SAP130: variants seen among roughly 807,000 people sequenced by gnomAD.
SAP130 encodes histone deacetylase complex subunit SAP130.
In SAP130, 16 loss-of-function variants were observed where a neutral mutation model predicts 103.2. The ratio of observed to expected loss-of-function variants is 0.16; its 90% CI spans 0.10 to 0.24. The LOEUF is 0.24. Among genes scored for constraint, SAP130 ranks in the 10% least tolerant of loss-of-function variants. SAP130 has a pLI of 1.00. For missense variants in SAP130, 990 were observed against 1,359.7 expected (o/e 0.73, Z 4.28); for synonymous variants, 477 against 497.0 (o/e 0.96, Z 0.53).
chr2:128,027,512 G>GGCGGGGA (rs1313391942), intron 1 of SAP130, among the ~76,000 whole-genome samples: 1 of 152,100 alleles, frequency 6.6e-6, no homozygotes. Flanking sequence ...CGGCGAAGGG[G>GGCGGGGA]GCGGGGAGCG....
At chr2:128,014,224 G>C (rs573546156) in intron 5 of SAP130, among the ~76,000 whole-genome samples, 1 of 141,478 alleles carries the variant, frequency 7.1e-6, no homozygotes, top group Non-Finnish European at 1.6e-5. Flanking sequence ...ACTGTCTTGC[G>C]ATTTTTTTTC....
intron 11 of SAP130, among the ~76,000 whole-genome samples, chr2:127,995,152 T>C (rs1471447956): frequency 2.6e-5 from 4 of 152,182 alleles, no homozygotes; most frequent in African/African-American, 9.7e-5. Flanking sequence ...TCTTAAAATA[T>C]TATATACTTT....
At position 127,996,522 on chromosome 2, in the gene SAP130, AT is replaced by A; in HGVS notation, c.1214-32del. 1 of 1,433,472 alleles carries A rather than the reference AT, an allele frequency of 7.0e-7. No individual in the cohort carries two copies. Among genetic ancestry groups the A allele is most frequent in the East Asian group, 2.7e-5 (1 of 37,290 alleles). 88.8% of individuals were successfully genotyped at this position (1,433,472 alleles called of 1,614,324 possible). ...AACAGTAAATGCCAATTCCATGACC[AT>A]TCTACACTTTTTTTTGGCATGCCAA... On this transcript the variant is annotated intron_variant, in intron 10 of 20. Transcript: ENST00000643581. The surrounding 1 kb of genome is among the most constrained non-coding windows in gnomAD (Gnocchi z 4.3).
intron 19 of SAP130, among the ~76,000 whole-genome samples, chr2:127,943,558 C>T (rs1678854521): frequency 6.6e-6 from 1 of 152,198 alleles, no homozygotes; most frequent in South Asian, 2.1e-4. Flanking sequence ...CAAACATGTA[C>T]ACCATGTTAC....
chr2:128,009,848 T>C (rs563325094), intron 7 of SAP130, among the ~76,000 whole-genome samples: 11 of 152,318 alleles, frequency 7.2e-5, no homozygotes, highest in Admixed American at 4.6e-4. Context: ...TCCCACTGCC[T>C]AGAATACTCT....
rs143012214 is a variant in SAP130, at chr2:128,009,093, G to A, written c.869+1176C>T. On this transcript the variant is annotated intron_variant, in intron 7 of 20. Transcript: ENST00000643581. ...GGCCAACTAGCACTGGCAAATAATC[G>A]TGACTCCTCTCCTTCTTTCACACTC... Among the ~76,000 whole-genome samples, 31 of 152,072 alleles carry A rather than the reference G, an allele frequency of 2.0e-4. No homozygotes were observed. In the Middle Eastern group the frequency reaches 0.01, roughly 50 times the overall value.
rs1398463425 is a variant in SAP130, at chr2:128,027,618, G to GCCGGCCGC, written c.-7+314_-7+321dup. Among the ~76,000 whole-genome samples, 118 of 147,410 alleles carry GCCGGCCGC rather than the reference G, an allele frequency of 8.0e-4. No homozygotes were observed. In the South Asian group the frequency reaches 9.2e-3, roughly 11 times the overall value. Reference sequence around the variant, plus strand: ...CTGCTCCAGGAGCCAAACTCCCTGGGCCGGCCGCCCGCCCGCCCGCCCGCC... The same window carrying GCCGGCCGC: ...CTGCTCCAGGAGCCAAACTCCCTGGGCCGGCCGCCCGGCCGCCCGCCCGCCCGCCCGCC... On this transcript the variant is annotated intron_variant, in intron 1 of 20. Coordinates refer to ENST00000643581, the MANE Select transcript of SAP130 (RefSeq NM_001330301.2).
At chr2:127,951,490 G>A (rs888201978) in intron 16 of SAP130, among the ~76,000 whole-genome samples, 36 of 152,082 alleles carry the variant, frequency 2.4e-4, no homozygotes, top group African/African-American at 8.2e-4. Context: ...TCCTCCCCTC[G>A]GTACTCAGCC....
Position 127,953,972 on chromosome 2 carries a change from T to C in SAP130, c.2422+1014A>G, listed in dbSNP as rs1012158842. Among the ~76,000 whole-genome samples, 42 of 152,240 alleles carry C rather than the reference T, an allele frequency of 2.8e-4. No homozygotes were observed. Among genetic ancestry groups the C allele is most frequent in the African/African-American group, 9.9e-4 (41 of 41,472 alleles). ...ACCTAAGAGGATAAAGCTGCATTTG[T>C]CTTACACAAAGTTGCATCGTCAGTG... On this transcript the variant is annotated intron_variant, in intron 16 of 20. Transcript: ENST00000643581. This position sits in a 1 kb window ranked among gnomAD's most constrained non-coding sequence, Gnocchi z 4.0.
intron 7 of SAP130, among the ~76,000 whole-genome samples, chr2:128,002,934 G>A (rs776566452): frequency 2.0e-5 from 3 of 151,962 alleles, no homozygotes; most frequent in Admixed American, 6.6e-5. Flanking sequence ...CAAGACTGGC[G>A]TAGGCAACAT....
intron 18 of SAP130, among the ~76,000 whole-genome samples, chr2:127,947,098 AG>A (rs900281686): frequency 6.6e-6 from 1 of 151,642 alleles, no homozygotes; most frequent in African/African-American, 2.4e-5. Flanking sequence ...AGATGGAGGC[AG>A]GGACTGGAGT....
At chr2:128,025,615 A>T (rs567049261) in intron 2 of SAP130, among the ~76,000 whole-genome samples, 3 of 152,352 alleles carry the variant, frequency 2.0e-5, no homozygotes, top group African/African-American at 7.2e-5. Context: ...ACAACTATTT[A>T]CATACCATTT....
chr2:127,969,643 C>A (rs1335237295), intron 15 of SAP130, among the ~76,000 whole-genome samples: 1 of 152,248 alleles, frequency 6.6e-6, no homozygotes, highest in East Asian at 1.9e-4. Context: ...AGGGCTGGTT[C>A]TTTCTGCGGG....
rs558376689 is a variant in SAP130 at position 127,978,047 on chromosome 2, A to G, written c.2001T>C (p.Asp667=). 71 of 1,551,852 alleles carry G rather than the reference A, an allele frequency of 4.6e-5. No homozygotes were observed. The South Asian group carries it at 8.2e-4, about 18-fold the overall frequency. ...AGCTTTCCACTCGAGGACTAGCAAC[A>G]TCAGGAGGCTGAGGAGGAATGAGGG... ...RKTLIPPQPP[D]VASPRVESSM... The change falls in exon 15 of 21, where the codon GAT becomes GAC. Residue 667 remains aspartate (D), a synonymous_variant. Coordinates refer to ENST00000643581, the MANE Select transcript of SAP130 (RefSeq NM_001330301.2).
At chr2:127,946,955 G>A (rs1679124994) in intron 18 of SAP130, among the ~76,000 whole-genome samples, 1 of 147,700 alleles carries the variant, frequency 6.8e-6, no homozygotes, top group Non-Finnish European at 1.5e-5. Context: ...TAAATCCAAT[G>A]ACTGGTGTCC....
intron 12 of SAP130, among the ~76,000 whole-genome samples, chr2:127,992,285 CTTT>C (rs747417050): frequency 8.1e-6 from 1 of 123,540 alleles, no homozygotes; most frequent in Non-Finnish European, 1.7e-5. Context: ...GGCAATAAGG[CTTT>C]TTTTTTTTTT....
At chr2:127,979,074 T>G (rs888682884) in intron 14 of SAP130, among the ~76,000 whole-genome samples, 1 of 152,152 alleles carries the variant, frequency 6.6e-6, no homozygotes, top group African/African-American at 2.4e-5. Context: ...TACATTTAGA[T>G]GTAGAGTTTT....
In SAP130 at chr2:128,026,311, C is replaced by A; in HGVS notation, c.-6-13G>T. The A allele has an allele frequency of 6.5e-7, 1 of 1,545,364 alleles. No individual in the cohort carries two copies. Among genetic ancestry groups the A allele is most frequent in the Non-Finnish European group, 8.9e-7 (1 of 1,117,362 alleles). On this transcript the variant is annotated splice_polypyrimidine_tract_variant and intron_variant, in intron 1 of 20. Transcript: ENST00000643581. ...AACTCATTTCCACCTGTAGTACATA[C>A]AGTTATATGGTTATTACTAGATTCT...
At chr2:127,958,481 T>C (rs1385497934) in intron 15 of SAP130, among the ~76,000 whole-genome samples, 1 of 152,120 alleles carries the variant, frequency 6.6e-6, no homozygotes, top group African/African-American at 2.4e-5. Flanking sequence ...ATTAAAGCGT[T>C]CAGAAAGAAA....
Sources: gnomAD v4.1 joint callset for allele counts (sites outside exome capture counted in the v4.1 genomes callset) on GRCh38, gnomAD v4.1.1 for gene constraint, Gnocchi (gnomAD v3.1) non-coding constraint, MANE v1.5 for transcripts, NCBI Gene and HGNC (gene_info 2026-07-23, HGNC 2026-07-21) for gene names.